Variants in CRAMP1 observed in about 807,000 individuals in gnomAD.
The protein encoded by CRAMP1 is protein cramped-like.
Under a neutral mutation model 115.4 loss-of-function variants are expected in CRAMP1, and 50 were observed. The ratio of observed to expected loss-of-function variants is 0.43; its 90% confidence interval spans 0.35 to 0.55. The LOEUF is 0.55. Among genes scored for constraint, CRAMP1 ranks in the 20% least tolerant of loss-of-function variants. The pLI, the probability that CRAMP1 is intolerant of heterozygous loss-of-function variation, is 0.01. For synonymous variants in CRAMP1, 866 were observed against 745.4 expected (o/e 1.16, Z -2.64); for missense variants, 1,679 against 1,721.7 (o/e 0.98, Z 0.44).
intron 3 of CRAMP1, among the ~76,000 whole-genome samples, chr16:1,627,543 G>C (rs531530036): frequency 2.0e-5 from 3 of 152,182 alleles, no homozygotes; most frequent in Non-Finnish European, 4.4e-5. Context: ...GGAGACACTC[G>C]TAAATGTGGG....
intron 14 of CRAMP1, among the ~76,000 whole-genome samples, chr16:1,665,460 A>T (rs2036866526): frequency 6.6e-6 from 1 of 151,738 alleles, no homozygotes; most frequent in Non-Finnish European, 1.5e-5. Context: ...GTTTTATGGG[A>T]TGGATGTGTT....
At chr16:1,658,230 C>T (rs535500785) in intron 10 of CRAMP1, among the ~76,000 whole-genome samples, 6 of 151,726 alleles carry the variant, frequency 4.0e-5, no homozygotes, top group Non-Finnish European at 8.8e-5. Flanking sequence ...GGAGACTGAG[C>T]CCAACCCTCA....
At chr16:1,663,390 G>A (rs543573124) in intron 13 of CRAMP1, among the ~76,000 whole-genome samples, 1 of 152,278 alleles carries the variant, frequency 6.6e-6, no homozygotes, top group African/African-American at 2.4e-5. Flanking sequence ...GTTTCCTTTT[G>A]TTAGACTCTT....
In CRAMP1 at chr16:1,614,591, C is replaced by T. The variant is rs889799010; in HGVS notation, c.-1-48C>T. The T allele has an allele frequency of 1.4e-5, 16 of 1,162,260 alleles. No homozygotes were observed. The highest frequency in any genetic ancestry group is 9.6e-5 in the African/African-American group (6 of 62,198). The allele number at this position is 1,162,260 out of a possible 1,614,324, so 72.0% of individuals were successfully genotyped here. Reference sequence around the variant, plus strand: ...AGAGCGCGTCGGGGCCGCTAAACTTCCCGGCCTGCGCCCGCCTCACCGGCC... The same window carrying T: ...AGAGCGCGTCGGGGCCGCTAAACTTTCCGGCCTGCGCCCGCCTCACCGGCC... On this transcript the variant is annotated intron_variant, in intron 1 of 20. Transcript: ENST00000397412. This position sits in a 1 kb window ranked among gnomAD's most constrained non-coding sequence, Gnocchi z 4.4.
rs201157275 is a variant in CRAMP1 at position 1,666,595 on chromosome 16, G to C, written c.3031G>C (p.Val1011Leu). 6.2e-7 allele frequency: 1 copy of C among 1,613,678 alleles called. No homozygotes were observed. The highest frequency in any genetic ancestry group is 1.1e-5 in the South Asian group (1 of 91,078). Residue 1011 changes from valine (V) to leucine (L), a missense_variant, in exon 16 of 21, where the codon GTG becomes CTG. Around this residue, in one of 8 missense-constraint regions of CRAMP1, gnomAD observed 709 missense variants for 741.9 expected, o/e 0.96. Coordinates refer to ENST00000397412, the MANE Select transcript of CRAMP1 (RefSeq NM_020825.4). This position sits in a 1 kb window ranked among gnomAD's most constrained non-coding sequence, Gnocchi z 5.0. ...THQDGDTLPT[V>L]GGSDPFVSIP... ...CCAGGATGGAGACACCCTCCCCACC[G>C]TGGGGGTGAGTATGTTTAGAAGGGC...
At chr16:1,651,755 G>A (rs1233590587) in intron 6 of CRAMP1, among the ~76,000 whole-genome samples, 14 of 150,950 alleles carry the variant, frequency 9.3e-5, no homozygotes, top group Admixed American at 9.2e-4. Flanking sequence ...AGGTCATAGA[G>A]AGGTGGACTG....
chr16:1,653,496 C>T (rs992257954), intron 8 of CRAMP1, among the ~76,000 whole-genome samples: 6 of 152,174 alleles, frequency 3.9e-5, no homozygotes, highest in East Asian at 3.9e-4. Flanking sequence ...ATGCACAAGG[C>T]GCCATCGTGG....
intron 1 of CRAMP1, among the ~76,000 whole-genome samples, chr16:1,613,320 A>G (rs992216416): frequency 1.3e-5 from 2 of 152,074 alleles, no homozygotes; most frequent in Non-Finnish European, 2.9e-5. Flanking sequence ...TCCTTGTGTG[A>G]TCTGCACCTC....
Position 1,674,356 on chromosome 16 carries a change from T to C in CRAMP1, c.*311T>C, listed in dbSNP as rs2036949561. 2 of 353,722 alleles carry C rather than the reference T, an allele frequency of 5.7e-6. No homozygotes were observed. The highest frequency in any genetic ancestry group is 8.0e-5 in the South Asian group (2 of 25,142). The allele number at this position is 353,722 out of a possible 1,614,324, so 21.9% of individuals were successfully genotyped here. A position where few individuals can be genotyped will look rare whatever the true frequency, so the allele number is the denominator to read the frequency against. On this transcript the variant is annotated 3_prime_UTR_variant, in exon 21 of 21. Transcript: ENST00000397412. The stretch of plus-strand genomic sequence containing the variant: ...CCTGTGCTCTGCCTCGATTGTTGTG[T>C]TGGACATTCCGGTGGCATTTCCTTC...
intron 11 of CRAMP1, 99 bp from the exon 12 acceptor site, chr16:1,662,391 G>A: frequency 1.0e-6 from 1 of 979,156 alleles, no homozygotes; most frequent in South Asian, 1.5e-5. Flanking sequence ...GGGTTGCCAA[G>A]AGAATGTCTT....
rs1431777505 is a variant in CRAMP1 at position 1,676,973 on chromosome 16, GT to G, written c.*2931del. 6.6e-6 allele frequency: 1 copy of G among 152,414 alleles called. No individual in the cohort carries two copies. Among genetic ancestry groups the G allele is most frequent in the African/African-American group, 2.4e-5 (1 of 41,452 alleles). The allele number at this position is 152,414 out of a possible 1,614,324, so 9.4% of individuals were successfully genotyped here. A position where few individuals can be genotyped will look rare whatever the true frequency, so the allele number is the denominator to read the frequency against. ...TCATTTCTGGTGGATAACCTTTTTAGTTTAATAGCATCTTTAATTAGATCAC... is the reference window on the plus strand; with the variant it reads ...TCATTTCTGGTGGATAACCTTTTTAGTTAATAGCATCTTTAATTAGATCAC... On this transcript the variant is annotated 3_prime_UTR_variant, in exon 21 of 21. Transcript: ENST00000397412.
intron 6 of CRAMP1, among the ~76,000 whole-genome samples, chr16:1,646,511 A>G (rs75467759): frequency 0.023 from 3,456 of 152,202 alleles, 233 homozygotes; most frequent in Admixed American, 0.13. Context: ...TTGGTGAAGT[A>G]CCTGTTTTCT....
intron 4 of CRAMP1, among the ~76,000 whole-genome samples, chr16:1,635,449 G>A (rs905598628): frequency 6.6e-6 from 1 of 152,210 alleles, no homozygotes; most frequent in Admixed American, 6.5e-5. Flanking sequence ...GATGAGGTGA[G>A]CTTGGTTCCT....
chr16:1,668,592 G>A (rs933359447), intron 18 of CRAMP1, among the ~76,000 whole-genome samples: 2 of 152,230 alleles, frequency 1.3e-5, no homozygotes, highest in African/African-American at 2.4e-5. Flanking sequence ...GCTCCTGGGG[G>A]CAGTGGTTTG....
At chr16:1,620,588 G>A (rs530330631) in intron 2 of CRAMP1, 1 of 455,782 alleles carries the variant, frequency 2.2e-6, no homozygotes, top group East Asian at 7.0e-5. Flanking sequence ...TGATGTTAGA[G>A]ATGATGACAG....
In CRAMP1 at chr16:1,652,413, G is replaced by C; in HGVS notation, c.828-83G>C. 3.1e-6 allele frequency: 4 copies of C among 1,291,648 alleles called. No individual in the cohort carries two copies. The South Asian group carries it at 4.1e-5, about 13-fold the overall frequency. The allele number at this position is 1,291,648 out of a possible 1,614,324, so 80.0% of individuals were successfully genotyped here. ...GCTTGGCCAGGCCCCACCTGGCCTG[G>C]CTCAGCGCCTCTCCGTGTGCTGGCC... On this transcript the variant is annotated intron_variant, in intron 6 of 20. Coordinates refer to ENST00000397412, the MANE Select transcript of CRAMP1 (RefSeq NM_020825.4).
rs544974407 is a variant in CRAMP1 at position 1,674,288 on chromosome 16, C to T, written c.*243C>T. The stretch of plus-strand genomic sequence containing the variant: ...GTGGTACTAGAGCCGTTCTTCACCA[C>T]GCCTGGGCCCATGTTAGGGTCTGCA... On this transcript the variant is annotated 3_prime_UTR_variant, in exon 21 of 21. Transcript: ENST00000397412. 20 of 543,948 alleles carry T rather than the reference C, an allele frequency of 3.7e-5. No individual in the cohort carries two copies. The highest frequency in any genetic ancestry group is 5.6e-5 in the Non-Finnish European group (17 of 303,514). The allele number at this position is 543,948 out of a possible 1,614,324, so 33.7% of individuals were successfully genotyped here.
chr16:1,649,048 G>A (rs866531242), intron 6 of CRAMP1, among the ~76,000 whole-genome samples: 3 of 148,116 alleles, frequency 2.0e-5, no homozygotes, highest in South Asian at 4.2e-4. Context: ...AATAGAGCAA[G>A]ACTCCATCTA....
intron 6 of CRAMP1, among the ~76,000 whole-genome samples, chr16:1,643,147 G>A (rs1423386557): frequency 6.6e-6 from 1 of 152,200 alleles, no homozygotes; most frequent in Non-Finnish European, 1.5e-5. Flanking sequence ...ATTATGGGCT[G>A]CGTGATAGAG....
Sources: allele counts gnomAD v4.1 joint callset (sites outside exome capture counted in the v4.1 genomes callset), GRCh38; gene constraint gnomAD v4.1.1; regional missense constraint gnomAD v4.1.1; non-coding constraint Gnocchi (gnomAD v3.1); transcripts MANE v1.5; gene names NCBI Gene and HGNC (gene_info 2026-07-23, HGNC 2026-07-21).